Variants in ARHGAP26 observed in about 807,000 individuals in gnomAD.
The protein encoded by ARHGAP26 is rho GTPase-activating protein 26.
ARHGAP26 carries 38 observed loss-of-function variants against 104.8 expected under a neutral mutation model. That is an observed-to-expected ratio of 0.36 (90% CI 0.28 to 0.48). ARHGAP26 has a LOEUF of 0.48. Among genes scored for constraint, ARHGAP26 ranks in the 20% least tolerant of loss-of-function variants. ARHGAP26 has a pLI of 0.99. For missense variants in ARHGAP26, 704 were observed against 947.9 expected (o/e 0.74, Z 3.38); for synonymous variants, 341 against 340.0 (o/e 1.00, Z -0.03).
At chr5:143,163,386 C>T (rs1185006872) in intron 20 of ARHGAP26, among the ~76,000 whole-genome samples, 2 of 152,146 alleles carry the variant, frequency 1.3e-5, no homozygotes, top group South Asian at 2.1e-4. Flanking sequence ...ATAATTTCCT[C>T]ATCTGCCTTG....
intron 1 of ARHGAP26, among the ~76,000 whole-genome samples, chr5:142,856,899 A>G (rs929607277): frequency 3.9e-5 from 6 of 152,234 alleles, no homozygotes; most frequent in African/African-American, 1.4e-4. Flanking sequence ...CAACTGTACC[A>G]TGAACTGGGT....
intron 11 of ARHGAP26, among the ~76,000 whole-genome samples, chr5:142,977,784 A>G (rs552499382): frequency 6.6e-6 from 1 of 152,234 alleles, no homozygotes; most frequent in Non-Finnish European, 1.5e-5. Flanking sequence ...ACAAAAATTC[A>G]CGGAGGAAGT....
intron 6 of ARHGAP26, among the ~76,000 whole-genome samples, chr5:142,898,788 C>G (rs1037566132): frequency 2.0e-5 from 3 of 152,228 alleles, no homozygotes; most frequent in Non-Finnish European, 4.4e-5. Context: ...GCCCCCTCAG[C>G]TTTTCATCAC....
In ARHGAP26 at chr5:142,963,179, T is replaced by TATATATAC. The variant is rs1562164367; in HGVS notation, c.1107+31061_1107+31062insCATATATA. On this transcript the variant is annotated intron_variant, in intron 11 of 22. Coordinates refer to ENST00000645722, the MANE Select transcript of ARHGAP26 (RefSeq NM_001135608.3). The stretch of plus-strand genomic sequence containing the variant: ...GTATTCCATGGTATATATGTATATA[T>TATATATAC]ATATATATATATATATATATGTGTG... Among the ~76,000 whole-genome samples the TATATATAC allele has an allele frequency of 4.4e-4, 46 of 104,138 alleles. 2 individuals carry two copies. The East Asian group carries it at 0.012, about 27-fold the overall frequency. 68.3% of individuals were successfully genotyped at this position (104,138 alleles called of 152,430 possible). A position where few individuals can be genotyped will look rare whatever the true frequency, so the allele number is the denominator to read the frequency against.
chr5:143,026,810 G>C (rs1197202319), intron 12 of ARHGAP26, among the ~76,000 whole-genome samples: 3 of 139,144 alleles, frequency 2.2e-5, no homozygotes, highest in African/African-American at 7.7e-5. Context: ...GGGTGGGGGT[G>C]GGGGGTGGGG....
intron 18 of ARHGAP26, among the ~76,000 whole-genome samples, chr5:143,128,181 T>G (rs1487680746): frequency 2.0e-5 from 3 of 152,218 alleles, no homozygotes; most frequent in African/African-American, 7.2e-5. Flanking sequence ...AGGTTGTGCA[T>G]TTGAACACAT....
intron 19 of ARHGAP26, among the ~76,000 whole-genome samples, chr5:143,141,918 G>A (rs1798583556): frequency 6.6e-6 from 1 of 152,034 alleles, no homozygotes; most frequent in Non-Finnish European, 1.5e-5. Context: ...GCAATCCCAG[G>A]CCACCCACAG....
chr5:142,922,958 C>CT (rs1398906962), intron 10 of ARHGAP26, among the ~76,000 whole-genome samples: 1 of 152,146 alleles, frequency 6.6e-6, no homozygotes, highest in East Asian at 1.9e-4. Flanking sequence ...TTATATGACT[C>CT]TGACTTCCAT....
At chr5:143,184,036 G>T (rs1259996359) in intron 20 of ARHGAP26, among the ~76,000 whole-genome samples, 2 of 152,206 alleles carry the variant, frequency 1.3e-5, no homozygotes, top group Non-Finnish European at 2.9e-5. Flanking sequence ...AAGGGGTAAA[G>T]TATTTAGATT....
At chr5:142,782,390 G>A (rs1757696126) in intron 1 of ARHGAP26, among the ~76,000 whole-genome samples, 2 of 152,242 alleles carry the variant, frequency 1.3e-5, no homozygotes, top group South Asian at 4.1e-4. Context: ...CCACGCAGGG[G>A]TCCTTAGCCT....
At chr5:143,222,277 ACACACACCC>A in intron 22 of ARHGAP26, 72 bp from the exon 23 acceptor site, 1 of 761,688 alleles carries the variant, frequency 1.3e-6, no homozygotes, top group Non-Finnish European at 2.0e-6. Flanking sequence ...ACACACACAC[ACACACACCC>A]CACACACACA....
intron 11 of ARHGAP26, among the ~76,000 whole-genome samples, chr5:142,966,868 A>T (rs1027258432): frequency 1.3e-5 from 2 of 152,256 alleles, no homozygotes; most frequent in African/African-American, 4.8e-5. Context: ...AAACTATGGT[A>T]TGACAACCCT....
intron 8 of ARHGAP26, among the ~76,000 whole-genome samples, chr5:142,905,391 CT>C (rs11338660): frequency 0.42 from 63,239 of 151,426 alleles, 16,199 homozygotes; most frequent in East Asian, 0.86. Context: ...GGATACAGCA[CT>C]TTTTTTTTAA....
chr5:142,803,311 T>C (rs1225948435), intron 1 of ARHGAP26, among the ~76,000 whole-genome samples: 1 of 152,246 alleles, frequency 6.6e-6, no homozygotes, highest in African/African-American at 2.4e-5. Flanking sequence ...TTGTTCTGCA[T>C]TTTTATTGGT....
chr5:143,062,395 C>A (rs1301066192), intron 17 of ARHGAP26, among the ~76,000 whole-genome samples: 1 of 152,068 alleles, frequency 6.6e-6, no homozygotes, highest in Non-Finnish European at 1.5e-5. Context: ...GGACAAAATT[C>A]TGTAGATCAC....
At position 142,920,558 on chromosome 5, in the gene ARHGAP26, G is replaced by A. The variant is rs114280031; in HGVS notation, c.1028+7265G>A. On this transcript the variant is annotated intron_variant, in intron 10 of 22. Coordinates refer to ENST00000645722, the MANE Select transcript of ARHGAP26 (RefSeq NM_001135608.3). ...GAGGGGCAGTGTTTACACTGGGGAA[G>A]GGAAATGATTACTTTTTTCTGGGGT... 1.4e-3 allele frequency among the ~76,000 whole-genome samples: 211 copies of A among 152,278 alleles called. 1 individual carries two copies. Among genetic ancestry groups the A allele is most frequent in the African/African-American group, 4.8e-3 (199 of 41,538 alleles).
chr5:142,935,220 G>A (rs760065508), intron 11 of ARHGAP26, among the ~76,000 whole-genome samples: 2 of 152,208 alleles, frequency 1.3e-5, no homozygotes, highest in Non-Finnish European at 2.9e-5. Flanking sequence ...AATATTTGGA[G>A]TTGGTTTCCT....
chr5:143,095,352 A>G (rs1319062231), intron 17 of ARHGAP26, among the ~76,000 whole-genome samples: 1 of 152,108 alleles, frequency 6.6e-6, no homozygotes, highest in African/African-American at 2.4e-5. Flanking sequence ...CCTGTTCAAG[A>G]TACTATATTC....
chr5:142,787,833 G>A (rs914076799), intron 1 of ARHGAP26, among the ~76,000 whole-genome samples: 2 of 152,074 alleles, frequency 1.3e-5, no homozygotes, highest in African/African-American at 2.4e-5. Context: ...CTTTTCAACA[G>A]TTCATGATCA....
Sources: allele counts gnomAD v4.1 joint callset (sites outside exome capture counted in the v4.1 genomes callset), GRCh38; gene constraint gnomAD v4.1.1; transcripts MANE v1.5; gene names NCBI Gene and HGNC (gene_info 2026-07-23, HGNC 2026-07-21).